Variants in AHCTF1 observed in about 807,000 individuals in gnomAD.
The protein encoded by AHCTF1 is protein ELYS.
A neutral mutation model predicts 248.4 loss-of-function variants in AHCTF1; 24 were observed. That is an observed-to-expected ratio of 0.10 (90% CI 0.07 to 0.14). AHCTF1 has a LOEUF of 0.14. Ranked by LOEUF, AHCTF1 falls within the 10% of genes least tolerant of loss-of-function variation. The pLI is 1.00. For synonymous variants in AHCTF1, 786 were observed against 929.8 expected, an observed-to-expected ratio of 0.85 and a Z score of 2.81; for missense variants, 2,206 against 2,636.2, an observed-to-expected ratio of 0.84 and a Z score of 3.57.
In AHCTF1 at chr1:246,840,878, T is replaced by G. The variant is rs1271348295; in HGVS notation, c.6729A>C (p.Gly2243=). Residue 2243 remains glycine (G), a synonymous_variant, in exon 36 of 36, where the codon GGA becomes GGC. Coordinates refer to ENST00000648844, the MANE Select transcript of AHCTF1 (RefSeq NM_001323342.2). ...TCTTTCTGTTCCTTCCAAGACCTGT[T>G]CCTGTCACTTCTGTAGTTTTTCTTG... ...SKPRKTTEVT[G]TGLGRNRKKL... The G allele has an allele frequency of 6.2e-7, 1 of 1,613,626 alleles. No individual in the cohort carries two copies. Among genetic ancestry groups the G allele is most frequent in the Non-Finnish European group, 8.5e-7 (1 of 1,179,786 alleles).
At chr1:246,853,416 C>CA (rs1404112171) in intron 31 of AHCTF1, 117 bp from the exon 32 acceptor site, 2 of 739,062 alleles carry the variant, frequency 2.7e-6, no homozygotes, top group Non-Finnish European at 4.3e-6. Flanking sequence ...AATAAACTAT[C>CA]ACAATGCCAG....
At chr1:246,855,042 A>C (rs1432101897) in intron 31 of AHCTF1, among the ~76,000 whole-genome samples, 1 of 152,250 alleles carries the variant, frequency 6.6e-6, no homozygotes, top group African/African-American at 2.4e-5. Flanking sequence ...TAGTCTGCTG[A>C]AGCTTGCCGT....
intron 13 of AHCTF1, 109 bp downstream of exon 13, chr1:246,895,726 G>T (rs1664526838): frequency 2.2e-6 from 2 of 896,068 alleles, no homozygotes; most frequent in Admixed American, 2.6e-5. Context: ...ACAACTGCAT[G>T]TGGATCTTCA....
At chr1:246,854,540 A>G (rs917638875) in intron 31 of AHCTF1, among the ~76,000 whole-genome samples, 6 of 152,334 alleles carry the variant, frequency 3.9e-5, no homozygotes, top group Non-Finnish European at 7.4e-5. Flanking sequence ...GGATTAATCT[A>G]TATTCCTGAC....
At position 246,862,128 on chromosome 1, in the gene AHCTF1, A is replaced by C. The variant is rs368827923; in HGVS notation, c.3566T>G (p.Val1189Gly). ...VKKAKSLAMS[V>G]TTSGFSEFTP... is the part of the protein sequence containing the mutation. ...GAACTCAGAAAATCCAGAAGTAGTA[A>C]CTGACATGGCCAAACTTTTAGCTTT... Residue 1189 changes from valine (V) to glycine (G), a missense_variant, in exon 28 of 36, where the codon GTT becomes GGT. This residue lies in a region of AHCTF1 where 955 missense variants were observed against 1,055.6 expected (regional missense o/e 0.90). Transcript: ENST00000648844. 5 of 1,607,208 alleles carry C rather than the reference A, an allele frequency of 3.1e-6. No individual in the cohort carries two copies. In the African/African-American group the frequency reaches 6.7e-5, roughly 22 times the overall value.
At chr1:246,910,527 C>A (rs1200700111) in intron 4 of AHCTF1, among the ~76,000 whole-genome samples, 1 of 152,182 alleles carries the variant, frequency 6.6e-6, no homozygotes, top group Admixed American at 6.5e-5. Context: ...ACTAAACAGA[C>A]ACACATATAG....
intron 13 of AHCTF1, 147 bp downstream of exon 13, chr1:246,895,688 G>C (rs1022256406): frequency 1.6e-6 from 1 of 624,724 alleles, no homozygotes; most frequent in African/African-American, 1.9e-5. Context: ...ACGTGCTAAA[G>C]GGGGTGGGAT....
At chr1:246,887,829 T>C (rs1663934802) in intron 19 of AHCTF1, among the ~76,000 whole-genome samples, 3 of 152,210 alleles carry the variant, frequency 2.0e-5, no homozygotes, top group South Asian at 2.1e-4. Flanking sequence ...TAACTTATAA[T>C]GTATTCATTT....
intron 4 of AHCTF1, among the ~76,000 whole-genome samples, chr1:246,910,372 T>C (rs886809234): frequency 1.3e-5 from 2 of 152,206 alleles, no homozygotes; most frequent in Admixed American, 1.3e-4. Flanking sequence ...AAAAGATGCT[T>C]TGGATAATCA....
At position 246,894,758 on chromosome 1, in the gene AHCTF1, A is replaced by T; in HGVS notation, c.1715-10T>A. Reference sequence around the variant, plus strand: ...GCAGAATTTGGTTGTTCTTATTTGTAAATACAAAAGGGAAAAAATAAAGAT... The same window carrying T: ...GCAGAATTTGGTTGTTCTTATTTGTTAATACAAAAGGGAAAAAATAAAGAT... On this transcript the variant is annotated splice_polypyrimidine_tract_variant and intron_variant, in intron 13 of 35. Coordinates refer to ENST00000648844, the MANE Select transcript of AHCTF1 (RefSeq NM_001323342.2). The T allele has an allele frequency of 6.2e-7, 1 of 1,608,286 alleles. No individual in the cohort carries two copies. Among genetic ancestry groups the T allele is most frequent in the Non-Finnish European group, 8.5e-7 (1 of 1,174,874 alleles).
chr1:246,849,222 G>C (rs1660514655), intron 33 of AHCTF1, among the ~76,000 whole-genome samples: 2 of 152,184 alleles, frequency 1.3e-5, no homozygotes, highest in Admixed American at 1.3e-4. Context: ...AAAGCTACTG[G>C]TGTTTCCCTT....
At chr1:246,884,055 G>A (rs1313017081) in intron 21 of AHCTF1, among the ~76,000 whole-genome samples, 3 of 152,068 alleles carry the variant, frequency 2.0e-5, no homozygotes, top group South Asian at 4.1e-4. Flanking sequence ...AACAGTGAGA[G>A]GTACATGCAA....
intron 29 of AHCTF1, among the ~76,000 whole-genome samples, chr1:246,858,626 G>A (rs1374174824): frequency 6.6e-6 from 1 of 151,350 alleles, no homozygotes; most frequent in African/African-American, 2.4e-5. Context: ...TCAGGAGTTC[G>A]AGACCAGCCT....
At chr1:246,866,497 T>C (rs1572386147) in intron 26 of AHCTF1, among the ~76,000 whole-genome samples, 1 of 81,532 alleles carries the variant, frequency 1.2e-5, no homozygotes, top group South Asian at 2.8e-4. Flanking sequence ...CATATGTCCA[T>C]TAAACTACAC....
rs764042394 is a variant in AHCTF1, at chr1:246,864,138, AT to A, written c.3348-23del. On this transcript the variant is annotated intron_variant, in intron 26 of 35. Transcript: ENST00000648844. ...CAGTCTGTAATCAGAATGCGCATTT[AT>A]TGAGTTATACTGAAAAAACAAAAGA... 6 of 1,607,648 alleles carry A rather than the reference AT, an allele frequency of 3.7e-6. No individual in the cohort carries two copies. In the African/African-American group the frequency reaches 8.1e-5, roughly 22 times the overall value.
At chr1:246,892,277 T>C (rs1037545115) in intron 14 of AHCTF1, among the ~76,000 whole-genome samples, 20 of 150,786 alleles carry the variant, frequency 1.3e-4, no homozygotes, top group African/African-American at 4.8e-4. Flanking sequence ...AATCCTTCTT[T>C]AAATCAAATT....
At chr1:246,877,332 T>G in intron 21 of AHCTF1, 30 bp from the exon 22 acceptor site, 1 of 1,528,532 alleles carries the variant, frequency 6.5e-7, no homozygotes, top group Non-Finnish European at 8.8e-7. Flanking sequence ...AAGTTTAGTT[T>G]TAGAAAAAGC....
At chr1:246,855,997 A>AT (rs1661087411) in intron 30 of AHCTF1, among the ~76,000 whole-genome samples, 170 bp from the exon 31 acceptor site, 1 of 152,262 alleles carries the variant, frequency 6.6e-6, no homozygotes, top group African/African-American at 2.4e-5. Context: ...AAGTGAATTC[A>AT]GAAACAATGC....
chr1:246,900,500 A>G, intron 8 of AHCTF1, 31 bp from the exon 9 acceptor site: 1 of 1,573,136 alleles, frequency 6.4e-7, no homozygotes, highest in Non-Finnish European at 8.6e-7. Flanking sequence ...TTAAAAACAG[A>G]ATAAAGAATC....
Sources: gnomAD v4.1 joint callset for allele counts (sites outside exome capture counted in the v4.1 genomes callset) on GRCh38, gnomAD v4.1.1 for gene constraint, gnomAD v4.1.1 regional missense constraint, MANE v1.5 for transcripts, NCBI Gene and HGNC (gene_info 2026-07-23, HGNC 2026-07-21) for gene names.